HSF2BP: variants seen among roughly 807,000 people sequenced by gnomAD.
HSF2BP encodes heat shock transcription factor 2 binding protein, also known as heat shock factor 2-binding protein.
A neutral mutation model predicts 35.0 loss-of-function variants in HSF2BP; 35 were observed. That is an observed-to-expected ratio of 1.00 (90% CI 0.76 to 1.32). The LOEUF (loss-of-function observed/expected upper bound fraction) is 1.32. Among genes scored for constraint, HSF2BP ranks in the 40% most tolerant of loss-of-function variants. HSF2BP has a pLI of 0.00. For synonymous variants in HSF2BP, 114 were observed against 117.4 expected (o/e 0.97, Z 0.18); for missense variants, 326 against 321.7 (o/e 1.01, Z -0.10).
chr21:43,592,116 T>C (rs1290509440), intron 8 of HSF2BP, 109 bp downstream of exon 8: 15 of 685,412 alleles, frequency 2.2e-5, no homozygotes, highest in African/African-American at 3.6e-5. Flanking sequence ...TTTGGTGCTA[T>C]CTCTGGTTTC....
rs567171484 is a variant in HSF2BP at position 43,629,442 on chromosome 21, G to A, written c.574+880C>T. 2.0e-5 allele frequency among the ~76,000 whole-genome samples: 3 copies of A among 152,288 alleles called. No homozygotes were observed. The East Asian group carries it at 5.8e-4, about 29-fold the overall frequency. ...TAGCTGGGCATGGTGGCGCATGCCTGTAATCCCAGCTACTTGGGAGGCTGA... is the reference window on the plus strand; with the variant it reads ...TAGCTGGGCATGGTGGCGCATGCCTATAATCCCAGCTACTTGGGAGGCTGA... On this transcript the variant is annotated intron_variant, in intron 6 of 8. Transcript: ENST00000291560.
rs1262896792 is a variant in HSF2BP at position 43,658,079 on chromosome 21, G to C, written c.18C>G (p.Ala6=). MGEAG[A]AEEACRHMGT... Reference sequence around the variant, plus strand: ...CACTAACCCGGCAGGCCTCCTCAGCGGCGCCCGCTTCGCCCATGGCCGCTG... The same window carrying C: ...CACTAACCCGGCAGGCCTCCTCAGCCGCGCCCGCTTCGCCCATGGCCGCTG... The change falls in exon 2 of 9, where the codon GCC becomes GCG. Residue 6 remains alanine, a synonymous_variant. Coordinates refer to ENST00000291560, the MANE Select transcript of HSF2BP (RefSeq NM_007031.2). The C allele has an allele frequency of 6.5e-7, 1 of 1,535,392 alleles. No homozygotes were observed. The highest frequency in any genetic ancestry group is 2.0e-5 in the Admixed American group (1 of 50,876).
chr21:43,576,936 T>C (rs532088255), intron 8 of HSF2BP, among the ~76,000 whole-genome samples: 1 of 152,336 alleles, frequency 6.6e-6, no homozygotes, highest in South Asian at 2.1e-4. Context: ...ACACTGGCAA[T>C]TTCATGTGGT....
chr21:43,636,412 T>C (rs2082559894), intron 4 of HSF2BP, among the ~76,000 whole-genome samples: 1 of 152,028 alleles, frequency 6.6e-6, no homozygotes, highest in African/African-American at 2.4e-5. Flanking sequence ...GTAAGTTTCA[T>C]CAAAACTTAA....
chr21:43,635,350 T>C (rs10427514), intron 4 of HSF2BP, among the ~76,000 whole-genome samples: 6,234 of 152,216 alleles, frequency 0.041, 436 homozygotes, highest in African/African-American at 0.14. Context: ...TCTATGGAAA[T>C]TCAAGACAGA....
chr21:43,644,929 G>A lies in HSF2BP; in HGVS notation c.188-537C>T, dbSNP rs543955121. Among the ~76,000 whole-genome samples the A allele has an allele frequency of 7.9e-5, 12 of 152,238 alleles. No homozygotes were observed. In the South Asian group the frequency reaches 2.1e-3, roughly 26 times the overall value. On this transcript the variant is annotated intron_variant, in intron 3 of 8. Transcript: ENST00000291560. ...GCTATAGTGAAAGAGTGGAAACTATGTAATACTTCCTCTCCACCGCACTCA... is the reference window on the plus strand; with the variant it reads ...GCTATAGTGAAAGAGTGGAAACTATATAATACTTCCTCTCCACCGCACTCA...
chr21:43,658,228 T>A lies in HSF2BP; in HGVS notation c.-132A>T. 1 of 1,072,060 alleles carries A rather than the reference T, an allele frequency of 9.3e-7. No homozygotes were observed. Among genetic ancestry groups the A allele is most frequent in the South Asian group, 1.7e-5 (1 of 59,220 alleles). 66.4% of individuals were successfully genotyped at this position (1,072,060 alleles called of 1,614,324 possible). On this transcript the variant is annotated 5_prime_UTR_variant, in exon 2 of 9. Coordinates refer to ENST00000291560, the MANE Select transcript of HSF2BP (RefSeq NM_007031.2). ...CCGCCAGGCCCAAACCTCCCAGAAT[T>A]TGCGCAGTATTCTCGGCCTAGAGAG... is the stretch of plus-strand genomic sequence containing the variant.
intron 7 of HSF2BP, among the ~76,000 whole-genome samples, chr21:43,604,670 CCACCA>C (rs2082104329): frequency 2.0e-5 from 2 of 101,272 alleles, no homozygotes; most frequent in African/African-American, 9.3e-5. Context: ...CACACACACA[CCACCA>C]CACACCACAC....
chr21:43,595,865 C>T (rs2081980608), intron 7 of HSF2BP, among the ~76,000 whole-genome samples: 1 of 147,096 alleles, frequency 6.8e-6, no homozygotes, highest in Non-Finnish European at 1.5e-5. Context: ...GCTGGGATTA[C>T]AGGCATATGC....
At chr21:43,649,222 T>C (rs1472217414) in intron 3 of HSF2BP, among the ~76,000 whole-genome samples, 2 of 152,062 alleles carry the variant, frequency 1.3e-5, no homozygotes, top group Non-Finnish European at 2.9e-5. Flanking sequence ...CCTGGCCTTT[T>C]GTTTGTTTTT....
intron 3 of HSF2BP, among the ~76,000 whole-genome samples, chr21:43,650,913 G>A (rs58451308): frequency 0.59 from 88,963 of 151,632 alleles, 26,474 homozygotes; most frequent in East Asian, 0.79. Context: ...TCACCTTGTC[G>A]GCCAGTCTGG....
At chr21:43,640,318 G>A (rs2082619244) in intron 4 of HSF2BP, among the ~76,000 whole-genome samples, 2 of 152,242 alleles carry the variant, frequency 1.3e-5, no homozygotes, top group South Asian at 2.1e-4. Flanking sequence ...AAAGTCAGTC[G>A]CAAAAGGTTA....
intron 8 of HSF2BP, among the ~76,000 whole-genome samples, chr21:43,581,242 C>T (rs550591917): frequency 2.6e-5 from 4 of 152,118 alleles, no homozygotes; most frequent in South Asian, 2.1e-4. Flanking sequence ...AAAAATTAGC[C>T]GGGCGTGGTG....
chr21:43,601,722 C>T (rs1042203391), intron 7 of HSF2BP, among the ~76,000 whole-genome samples: 1 of 152,074 alleles, frequency 6.6e-6, no homozygotes, highest in Non-Finnish European at 1.5e-5. Flanking sequence ...GTTCACAGGC[C>T]CCAAATGACT....
intron 2 of HSF2BP, chr21:43,657,720 G>T: frequency 1.9e-6 from 1 of 520,708 alleles, no homozygotes; most frequent in Non-Finnish European, 2.5e-6. Flanking sequence ...AAGTCCCGAA[G>T]CAGGGGGCCA....
At chr21:43,608,026 T>C (rs2082155869) in intron 7 of HSF2BP, among the ~76,000 whole-genome samples, 1 of 152,154 alleles carries the variant, frequency 6.6e-6, no homozygotes, top group Non-Finnish European at 1.5e-5. Context: ...GTCTTCTGGA[T>C]ATCGGCCTAG....
chr21:43,654,849 G>A lies in HSF2BP; in HGVS notation c.187+1738C>T, dbSNP rs190965537. 2.0e-4 allele frequency among the ~76,000 whole-genome samples: 30 copies of A among 152,300 alleles called. No homozygotes were observed. In the East Asian group the frequency reaches 2.3e-3, roughly 12 times the overall value. On this transcript the variant is annotated intron_variant, in intron 3 of 8. Transcript: ENST00000291560. The stretch of plus-strand genomic sequence containing the variant: ...AGCCATGGGGTGAGGCAATGAGCGG[G>A]GCCTAGGCCTGAGTCTCAAGCCCTA...
chr21:43,588,119 T>C (rs1414503843), intron 8 of HSF2BP, among the ~76,000 whole-genome samples: 1 of 152,184 alleles, frequency 6.6e-6, no homozygotes, highest in East Asian at 1.9e-4. Context: ...GGCTCACGCC[T>C]GTAATCCCGG....
intron 8 of HSF2BP, among the ~76,000 whole-genome samples, chr21:43,583,392 CCTG>C (rs2081790405): frequency 1.3e-5 from 1 of 76,706 alleles, no homozygotes; most frequent in Non-Finnish European, 2.5e-5. Flanking sequence ...AGATGAAGGG[CCTG>C]CTGAGGGAGA....
Sources: allele counts gnomAD v4.1 joint callset (sites outside exome capture counted in the v4.1 genomes callset), GRCh38; gene constraint gnomAD v4.1.1; transcripts MANE v1.5; gene names NCBI Gene and HGNC (gene_info 2026-07-23, HGNC 2026-07-21).